Variants in ARHGEF26 observed in about 807,000 individuals in gnomAD.
ARHGEF26 encodes the protein Rho guanine nucleotide exchange factor 26.
ARHGEF26 carries 59 observed loss-of-function variants against 89.4 expected under a neutral mutation model. The observed-to-expected ratio is 0.66, with a 90% CI of 0.54 to 0.82. The LOEUF (loss-of-function observed/expected upper bound fraction) is 0.82, where lower values mean the gene tolerates loss of function less well. ARHGEF26 is among the 40% of genes least tolerant of loss of function. The probability of loss-of-function intolerance (pLI) is 0.00; values close to 1 mark genes in which losing one functional copy is unlikely to be tolerated. For synonymous variants in ARHGEF26, 500 were observed against 428.4 expected, an observed-to-expected ratio of 1.17 and a Z score of -2.06; for missense variants, 1,234 against 1,085.6, an observed-to-expected ratio of 1.14 and a Z score of -1.92.
chr3:154,121,866 G>T (rs866181451), intron 1 of ARHGEF26, 76 bp from the exon 2 acceptor site: 23 of 1,333,816 alleles, frequency 1.7e-5, no homozygotes, highest in African/African-American at 4.4e-5. Context: ...GGGGACCGCC[G>T]GTCTGGGAGC....
chr3:154,190,250 G>A (rs1376188887), intron 7 of ARHGEF26, among the ~76,000 whole-genome samples: 3 of 152,056 alleles, frequency 2.0e-5, no homozygotes, highest in Non-Finnish European at 4.4e-5. Context: ...AGTGGCTCAC[G>A]CCTGTAATCC....
At chr3:154,148,454 G>A (rs1719819961) in intron 4 of ARHGEF26, among the ~76,000 whole-genome samples, 2 of 152,194 alleles carry the variant, frequency 1.3e-5, no homozygotes, top group South Asian at 2.1e-4. Flanking sequence ...AAGTACTTTA[G>A]TTGTGGGTTT....
chr3:154,240,674 A>G lies in ARHGEF26; in HGVS notation c.2300+95A>G. On this transcript the variant is annotated intron_variant, in intron 12 of 14. Coordinates refer to ENST00000465093, the MANE Select transcript of ARHGEF26 (RefSeq NM_015595.4). ...AGACTTCCTAAAAACAGCAGCTACT[A>G]TTCATGTTTTTGTTGAGCACCTACT... 4 of 1,174,772 alleles carry G rather than the reference A, an allele frequency of 3.4e-6. No individual in the cohort carries two copies. In the South Asian group the frequency reaches 6.4e-5, roughly 19 times the overall value. 72.8% of individuals were successfully genotyped at this position (1,174,772 alleles called of 1,614,324 possible). A position where few individuals can be genotyped will look rare whatever the true frequency, so the allele number is the denominator to read the frequency against.
At chr3:154,186,163 A>ACACACACACACT (rs1302150857) in intron 6 of ARHGEF26, among the ~76,000 whole-genome samples, 1 of 150,824 alleles carries the variant, frequency 6.6e-6, no homozygotes, top group Non-Finnish European at 1.5e-5. Context: ...ACACACACAC[A>ACACACACACACT]CACCCCTATA....
intron 6 of ARHGEF26, among the ~76,000 whole-genome samples, chr3:154,169,751 G>A (rs1362136412): frequency 1.3e-5 from 2 of 152,160 alleles, no homozygotes; most frequent in Non-Finnish European, 2.9e-5. Flanking sequence ...TTCATTGTTA[G>A]TGAATCAACA....
intron 4 of ARHGEF26, among the ~76,000 whole-genome samples, chr3:154,141,179 A>G (rs1222210673): frequency 6.7e-6 from 1 of 149,020 alleles, no homozygotes; most frequent in African/African-American, 2.5e-5. Context: ...GTTAGCCAGG[A>G]TGGTCTCTAT....
chr3:154,216,487 T>TTA (rs1359127370), intron 9 of ARHGEF26, among the ~76,000 whole-genome samples: 1,823 of 30,372 alleles, frequency 0.06, 48 homozygotes, highest in African/African-American at 0.2. Flanking sequence ...TGTTTTTTTT[T>TTA]TTTTATTTTT....
intron 4 of ARHGEF26, 102 bp from the exon 5 acceptor site, chr3:154,149,287 C>G: frequency 1.4e-6 from 1 of 724,194 alleles, no homozygotes; most frequent in South Asian, 2.8e-5. Context: ...ATAGTTTCTC[C>G]TAATTCATTT....
rs549765530 is a variant in ARHGEF26, at chr3:154,231,713, G to A, written c.2090+5703G>A. ...TGCTACATAGCTGAAGGTACGGCAC[G>A]CTCTAGGACCAGACATGAATTTATG... On this transcript the variant is annotated intron_variant, in intron 11 of 14. Transcript: ENST00000465093. 1.2e-4 allele frequency among the ~76,000 whole-genome samples: 18 copies of A among 152,220 alleles called. No individual in the cohort carries two copies. In the South Asian group the frequency reaches 2.7e-3, roughly 23 times the overall value.
At position 154,254,715 on chromosome 3, in the gene ARHGEF26, C is replaced by T. The variant is rs1447547870; in HGVS notation, c.2369-5C>T. The T allele has an allele frequency of 6.2e-7, 1 of 1,613,272 alleles. No individual in the cohort carries two copies. ...GAAACTTAGTATGTCCTCTTTTGGC[C>T]TCAGCACTGACCCAGGTGGAAATCG... is the stretch of plus-strand genomic sequence containing the variant. On this transcript the variant is annotated splice_polypyrimidine_tract_variant and splice_region_variant and intron_variant, in intron 13 of 14. Transcript: ENST00000465093.
chr3:154,229,687 C>T (rs1576806368), intron 11 of ARHGEF26, among the ~76,000 whole-genome samples: 1 of 152,138 alleles, frequency 6.6e-6, no homozygotes, highest in Non-Finnish European at 1.5e-5. Context: ...AGCCCCCTTA[C>T]ACCCTAGTTG....
chr3:154,192,985 A>G (rs1214558042), intron 8 of ARHGEF26, among the ~76,000 whole-genome samples: 1 of 152,166 alleles, frequency 6.6e-6, no homozygotes, highest in Non-Finnish European at 1.5e-5. Flanking sequence ...CTAACACATT[A>G]TGTTATACAG....
At chr3:154,214,156 G>A (rs1715578033) in intron 9 of ARHGEF26, among the ~76,000 whole-genome samples, 1 of 152,132 alleles carries the variant, frequency 6.6e-6, no homozygotes, top group Admixed American at 6.5e-5. Context: ...GAGAGGTTAG[G>A]GATCAAGGAA....
intron 13 of ARHGEF26, 34 bp from the exon 14 acceptor site, chr3:154,254,686 A>G (rs1164273946): frequency 6.5e-7 from 1 of 1,543,006 alleles, no homozygotes; most frequent in Admixed American, 1.7e-5. Flanking sequence ...TTTCTCTGCT[A>G]CTGGAAACTT....
chr3:154,233,468 T>G (rs1716933278), intron 11 of ARHGEF26, among the ~76,000 whole-genome samples: 2 of 152,312 alleles, frequency 1.3e-5, no homozygotes, highest in East Asian at 3.9e-4. Context: ...ACAGAACACT[T>G]TTTCTCATAC....
intron 9 of ARHGEF26, among the ~76,000 whole-genome samples, 153 bp from the exon 10 acceptor site, chr3:154,217,716 C>T (rs1186720654): frequency 2.0e-5 from 3 of 152,104 alleles, no homozygotes; most frequent in Non-Finnish European, 4.4e-5. Flanking sequence ...TAACTGGATA[C>T]GAATGTCTTA....
At chr3:154,252,070 A>G (rs1051480871) in intron 12 of ARHGEF26, among the ~76,000 whole-genome samples, 1 of 152,198 alleles carries the variant, frequency 6.6e-6, no homozygotes, top group Non-Finnish European at 1.5e-5. Flanking sequence ...CTGGGTTGGA[A>G]GGATGCATAT....
At chr3:154,146,670 T>C (rs1185289545) in intron 4 of ARHGEF26, among the ~76,000 whole-genome samples, 1 of 152,234 alleles carries the variant, frequency 6.6e-6, no homozygotes, top group African/African-American at 2.4e-5. Flanking sequence ...AATTTAAAAC[T>C]ATTATAACAT....
At chr3:154,137,804 C>T (rs969448480) in intron 4 of ARHGEF26, among the ~76,000 whole-genome samples, 4 of 97,706 alleles carry the variant, frequency 4.1e-5, no homozygotes, top group African/African-American at 8.5e-5. Context: ...TAGTGAGACC[C>T]CTATCTCTTA....
Sources: gnomAD v4.1 joint callset for allele counts (sites outside exome capture counted in the v4.1 genomes callset) on GRCh38, gnomAD v4.1.1 for gene constraint, MANE v1.5 for transcripts, NCBI Gene and HGNC (gene_info 2026-07-23, HGNC 2026-07-21) for gene names.